Variants in PTPN13 observed in about 807,000 individuals in gnomAD.
The protein encoded by PTPN13 is tyrosine-protein phosphatase non-receptor type 13.
In PTPN13, 191 loss-of-function variants were observed where a neutral mutation model predicts 284.0. The ratio of observed to expected loss-of-function variants is 0.67; its 90% CI spans 0.60 to 0.76. The LOEUF (loss-of-function observed/expected upper bound fraction) is 0.76, where lower values mean the gene tolerates loss of function less well. Ranked by LOEUF, PTPN13 falls within the 30% of genes least tolerant of loss-of-function variation. The pLI is 0.00. For synonymous variants in PTPN13, 986 were observed against 1,022.3 expected, an observed-to-expected ratio of 0.96 and a Z score of 0.68; for missense variants, 2,797 against 2,939.9, an observed-to-expected ratio of 0.95 and a Z score of 1.12.
intron 2 of PTPN13, among the ~76,000 whole-genome samples, chr4:86,655,093 G>T (rs1318574149): frequency 6.6e-6 from 1 of 152,016 alleles, no homozygotes; most frequent in Non-Finnish European, 1.5e-5. Flanking sequence ...CCATTTGCTT[G>T]GTAGATCTTC....
In PTPN13 at chr4:86,741,802, A is replaced by C; in HGVS notation, c.2473A>C (p.Lys825Gln). The change falls in exon 16 of 48, where the codon AAA becomes CAA. Residue 825 changes from lysine (K) to glutamine (Q), a missense_variant. Coordinates refer to ENST00000411767, the MANE Select transcript of PTPN13 (RefSeq NM_080683.3). ...VLRFPWRETK[K>Q]ISFSKKKITL... is the part of the protein sequence containing the mutation. ...TCGCTTTCCATGGAGGGAAACCAAG[A>C]AAATATCTTTTTCTGTATGTCCATT... The C allele has an allele frequency of 6.2e-7, 1 of 1,600,386 alleles. No homozygotes were observed. Among genetic ancestry groups the C allele is most frequent in the Non-Finnish European group, 8.5e-7 (1 of 1,172,804 alleles).
At chr4:86,620,434 A>T (rs1176996343) in intron 1 of PTPN13, among the ~76,000 whole-genome samples, 1 of 152,216 alleles carries the variant, frequency 6.6e-6, no homozygotes, top group Non-Finnish European at 1.5e-5. Context: ...TGCTGGGATT[A>T]TAGGTATGAG....
At chr4:86,812,036 C>T (rs543489833) in intron 47 of PTPN13, among the ~76,000 whole-genome samples, 6 of 152,190 alleles carry the variant, frequency 3.9e-5, no homozygotes, top group Admixed American at 1.3e-4. Context: ...CTAGGCCGGG[C>T]GCGGTGGCTC....
chr4:86,758,381 G>A, intron 21 of PTPN13, 32 bp downstream of exon 21: 2 of 1,505,636 alleles, frequency 1.3e-6, no homozygotes, highest in Non-Finnish European at 1.8e-6. Flanking sequence ...GAAGGTCTAT[G>A]ATTGTTGGGG....
At chr4:86,629,124 G>T in intron 1 of PTPN13, among the ~76,000 whole-genome samples, 3 of 150,164 alleles carry the variant, frequency 2.0e-5, no homozygotes, top group African/African-American at 7.4e-5. Context: ...AAGAGCTTCT[G>T]CACAGCAAAA....
In PTPN13 at chr4:86,734,351, C is replaced by G; in HGVS notation, c.1907C>G (p.Ala636Gly). ...VDPDLKLTKV[A>G]PEGWKEEPKK... ...CCTGACTTAAAATTAACCAAAGTGG[C>G]CCCAGAGGGATGGAAAGAAGAACCA... The change falls in exon 13 of 48, where the codon GCC (alanine) becomes GGC (glycine). Residue 636 changes from alanine to glycine, a missense_variant. Ala to Gly is a moderately conservative substitution (Grantham distance 60). Coordinates refer to ENST00000411767, the MANE Select transcript of PTPN13 (RefSeq NM_080683.3). 1 of 1,557,000 alleles carries G rather than the reference C, an allele frequency of 6.4e-7. No homozygotes were observed. The highest frequency in any genetic ancestry group is 8.7e-7 in the Non-Finnish European group (1 of 1,147,724).
At chr4:86,678,611 A>G (rs184354966) in intron 3 of PTPN13, among the ~76,000 whole-genome samples, 1 of 152,316 alleles carries the variant, frequency 6.6e-6, no homozygotes, top group Admixed American at 6.5e-5. Context: ...ATCTGAAATT[A>G]AACTCAATGT....
At chr4:86,638,167 G>T (rs976260230) in intron 2 of PTPN13, among the ~76,000 whole-genome samples, 4 of 152,062 alleles carry the variant, frequency 2.6e-5, no homozygotes, top group African/African-American at 4.8e-5. Context: ...CACTGCTCAA[G>T]GAAATAAAAG....
intron 1 of PTPN13, among the ~76,000 whole-genome samples, chr4:86,628,632 C>A (rs1722105728): frequency 8.4e-6 from 1 of 118,860 alleles, no homozygotes; most frequent in Non-Finnish European, 1.8e-5. Flanking sequence ...AGGTATATCT[C>A]CCAATGCTAT....
chr4:86,693,587 A>G lies in PTPN13; in HGVS notation c.547A>G (p.Thr183Ala), dbSNP rs1204353190. Residue 183 changes from threonine to alanine, a missense_variant and splice_region_variant, in exon 6 of 48, where the codon ACA becomes GCA. Thr to Ala is a moderately conservative substitution (Grantham distance 58). Transcript: ENST00000411767. ...TTGATTTTTTATTACCTGTGTACAG[A>G]CAGATCAGCTTTCCTGTAACAGTGA... is the stretch of plus-strand genomic sequence containing the variant. The part of the protein sequence containing the change: ...VKLVLGNLSG[T>A]DQLSCNSEQK... The G allele has an allele frequency of 1.6e-5, 25 of 1,545,454 alleles. No individual in the cohort carries two copies. The highest frequency in any genetic ancestry group is 2.0e-5 in the Non-Finnish European group (23 of 1,141,136).
chr4:86,683,028 A>G (rs892917239), intron 3 of PTPN13, among the ~76,000 whole-genome samples: 5 of 152,186 alleles, frequency 3.3e-5, no homozygotes, highest in Non-Finnish European at 4.4e-5. Flanking sequence ...GAACCCATAT[A>G]AAGTACTGTC....
intron 27 of PTPN13, among the ~76,000 whole-genome samples, chr4:86,767,569 A>G (rs994752137): frequency 6.6e-6 from 1 of 152,090 alleles, no homozygotes; most frequent in African/African-American, 2.4e-5. Context: ...TCTAACATGT[A>G]TTATATTTAT....
Position 86,771,646 on chromosome 4 carries a change from G to GA in PTPN13, c.5168+111_5168+112insA, listed in dbSNP as rs1390350102. On this transcript the variant is annotated intron_variant, in intron 31 of 47. Transcript: ENST00000411767. ...AATGTATGTATCTGTGACCTTCACA[G>GA]TGGTTAGGCAGAGGATGACTCTATT... 1.4e-4 allele frequency: 170 copies of GA among 1,204,458 alleles called. No individual in the cohort carries two copies. In the African/African-American group the frequency reaches 2.3e-3, roughly 16 times the overall value. 74.6% of individuals were successfully genotyped at this position (1,204,458 alleles called of 1,614,324 possible). A position where few individuals can be genotyped will look rare whatever the true frequency, so the allele number is the denominator to read the frequency against.
At chr4:86,776,080 G>A (rs1202698013) in intron 35 of PTPN13, among the ~76,000 whole-genome samples, 2 of 152,152 alleles carry the variant, frequency 1.3e-5, no homozygotes, top group Admixed American at 1.3e-4. Flanking sequence ...CAGGTAGCTG[G>A]GATTACAGGC....
chr4:86,746,278 C>CA (rs1383050335), intron 17 of PTPN13, among the ~76,000 whole-genome samples: 1 of 152,096 alleles, frequency 6.6e-6, no homozygotes, highest in Non-Finnish European at 1.5e-5. Flanking sequence ...TAAAATTATA[C>CA]AAAATCTAAT....
chr4:86,752,725 C>T (rs1388578476), intron 19 of PTPN13, among the ~76,000 whole-genome samples: 1 of 152,030 alleles, frequency 6.6e-6, no homozygotes, highest in Admixed American at 6.5e-5. Flanking sequence ...AACACTTGAA[C>T]AAATGAAAAA....
At position 86,764,338 on chromosome 4, in the gene PTPN13, A is replaced by G. The variant is rs553498089; in HGVS notation, c.4018-255A>G. 3.9e-4 allele frequency among the ~76,000 whole-genome samples: 59 copies of G among 152,214 alleles called. 1 individual carries two copies. Among genetic ancestry groups the G allele is most frequent in the Middle Eastern group, 3.4e-3 (1 of 292 alleles). ...CTGGATATCAGTTTCCTCAACCATAAAATATGAATACATTGGACTAGATGA... is the reference window on the plus strand; with the variant it reads ...CTGGATATCAGTTTCCTCAACCATAGAATATGAATACATTGGACTAGATGA... On this transcript the variant is annotated intron_variant, in intron 24 of 47. Transcript: ENST00000411767.
At chr4:86,788,277 G>A (rs985648457) in intron 40 of PTPN13, among the ~76,000 whole-genome samples, 6 of 152,114 alleles carry the variant, frequency 3.9e-5, no homozygotes, top group Non-Finnish European at 8.8e-5. Context: ...TTCTGGAAAA[G>A]TTTTCTGTTT....
chr4:86,778,360 T>C (rs576979987), intron 35 of PTPN13, among the ~76,000 whole-genome samples: 1 of 152,330 alleles, frequency 6.6e-6, no homozygotes, highest in South Asian at 2.1e-4. Context: ...GATAAAAGAC[T>C]ATTACTAATG....
Sources: gnomAD v4.1 joint callset for allele counts (sites outside exome capture counted in the v4.1 genomes callset) on GRCh38, gnomAD v4.1.1 for gene constraint, MANE v1.5 for transcripts, NCBI Gene and HGNC (gene_info 2026-07-23, HGNC 2026-07-21) for gene names.